Variants in VAV3 observed in about 807,000 individuals in gnomAD.
VAV3 encodes guanine nucleotide exchange factor VAV3.
VAV3 carries 94 observed loss-of-function variants against 131.2 expected under a neutral mutation model. The ratio of observed to expected loss-of-function variants is 0.72; its 90% CI spans 0.61 to 0.85. VAV3 has a LOEUF of 0.85. VAV3 is among the 40% of genes least tolerant of loss of function. The pLI is 0.00. For missense variants in VAV3, 939 were observed against 1,002.7 expected, an observed-to-expected ratio of 0.94 and a Z score of 0.86; for synonymous variants, 349 against 342.0, an observed-to-expected ratio of 1.02 and a Z score of -0.22.
intron 19 of VAV3, among the ~76,000 whole-genome samples, chr1:107,662,350 C>T (rs995313603): frequency 2.9e-4 from 44 of 152,062 alleles, no homozygotes; most frequent in Admixed American, 2.0e-4. Flanking sequence ...CAAAAGAATA[C>T]TGTCTCAATT....
intron 19 of VAV3, among the ~76,000 whole-genome samples, chr1:107,660,088 A>ATATCTG (rs1557740913): frequency 2.0e-5 from 3 of 151,928 alleles, no homozygotes; most frequent in Non-Finnish European, 4.4e-5. Flanking sequence ...CGGATCATCT[A>ATATCTG]ATTCACCTTC....
chr1:107,756,312 G>C (rs558527557), intron 11 of VAV3, among the ~76,000 whole-genome samples: 2 of 152,056 alleles, frequency 1.3e-5, no homozygotes, highest in South Asian at 2.1e-4. Context: ...AAATTCATCT[G>C]CAACAGTAGG....
chr1:107,580,885 G>A (rs1221807960), intron 25 of VAV3, among the ~76,000 whole-genome samples: 1 of 152,110 alleles, frequency 6.6e-6, no homozygotes, highest in Non-Finnish European at 1.5e-5. Flanking sequence ...ATATATGGAT[G>A]CATGGTTTCA....
intron 1 of VAV3, among the ~76,000 whole-genome samples, chr1:107,885,110 C>G (rs1419547177): frequency 6.6e-6 from 1 of 152,062 alleles, no homozygotes; most frequent in East Asian, 1.9e-4. Flanking sequence ...GAACGGCACA[C>G]CAGCCAAGAA....
chr1:107,798,432 A>AC (rs1229448761), intron 2 of VAV3, among the ~76,000 whole-genome samples: 2 of 152,098 alleles, frequency 1.3e-5, no homozygotes, highest in Non-Finnish European at 2.9e-5. Flanking sequence ...AAGAACATGC[A>AC]CCGAGGCCAG....
In VAV3 at chr1:107,708,143, A is replaced by G. The variant is rs72977679; in HGVS notation, c.1503-3082T>C. On this transcript the variant is annotated intron_variant, in intron 15 of 26. Transcript: ENST00000370056. Reference sequence around the variant, plus strand: ...AAAGACATGAGATAGGTTGGCAGGGACCAAGGAAAGAAGTGAGATTTTATA... The same window carrying G: ...AAAGACATGAGATAGGTTGGCAGGGGCCAAGGAAAGAAGTGAGATTTTATA... Among the ~76,000 whole-genome samples, 845 of 152,278 alleles carry G rather than the reference A, an allele frequency of 5.5e-3. 10 individuals are homozygous for G. The highest frequency in any genetic ancestry group is 0.018 in the African/African-American group (745 of 41,560).
In VAV3 at chr1:107,573,727, T is replaced by C. The variant is rs188360924; in HGVS notation, c.2502+320A>G. On this transcript the variant is annotated intron_variant, in intron 26 of 26. Transcript: ENST00000370056. ...AATTTACATCAGCAGTTCTTATAGA[T>C]ATTTTGCAATACACATAAAGTTTAG... Among the ~76,000 whole-genome samples the C allele has an allele frequency of 1.6e-4, 25 of 152,344 alleles. No homozygotes were observed. In the East Asian group the frequency reaches 4.8e-3, roughly 29 times the overall value.
At chr1:107,660,832 C>T (rs6694291) in intron 19 of VAV3, among the ~76,000 whole-genome samples, 87,724 of 151,848 alleles carry the variant, frequency 0.58, 26,273 homozygotes, top group African/African-American at 0.75. Context: ...GCAAATATTA[C>T]AAAGCATTAT....
intron 15 of VAV3, among the ~76,000 whole-genome samples, chr1:107,709,056 A>C (rs1660623553): frequency 6.6e-6 from 1 of 152,154 alleles, no homozygotes; most frequent in African/African-American, 2.4e-5. Context: ...CAGTTACCAG[A>C]GGAGATGGAA....
chr1:107,746,336 A>C (rs1042042062), intron 15 of VAV3, among the ~76,000 whole-genome samples: 2 of 152,184 alleles, frequency 1.3e-5, no homozygotes, highest in Non-Finnish European at 2.9e-5. Context: ...AATTCTCCAA[A>C]AAGATACTTC....
At chr1:107,754,941 G>A (rs1373949932) in intron 12 of VAV3, among the ~76,000 whole-genome samples, 1 of 151,968 alleles carries the variant, frequency 6.6e-6, no homozygotes, top group Non-Finnish European at 1.5e-5. Context: ...CTCAGTTATA[G>A]CAGCCAGTTC....
intron 1 of VAV3, among the ~76,000 whole-genome samples, chr1:107,910,703 T>C (rs1241453194): frequency 5.3e-5 from 8 of 151,778 alleles, no homozygotes; most frequent in Admixed American, 2.0e-4. Flanking sequence ...CTTGAGGCCA[T>C]GCGTGGTGGC....
At chr1:107,646,760 AT>A in intron 19 of VAV3, among the ~76,000 whole-genome samples, 1 of 152,176 alleles carries the variant, frequency 6.6e-6, no homozygotes, top group East Asian at 1.9e-4. Context: ...TAACAAACAA[AT>A]TAGCAATATT....
At chr1:107,709,658 C>G (rs925084147) in intron 15 of VAV3, among the ~76,000 whole-genome samples, 5 of 152,150 alleles carry the variant, frequency 3.3e-5, no homozygotes, top group African/African-American at 1.2e-4. Flanking sequence ...ATAACTGAAT[C>G]GTGGGGATGG....
intron 1 of VAV3, among the ~76,000 whole-genome samples, chr1:107,947,802 C>T (rs1674340222): frequency 1.3e-5 from 2 of 152,100 alleles, no homozygotes; most frequent in Admixed American, 1.3e-4. Flanking sequence ...AACATTAAGG[C>T]CAATGTGAAG....
intron 1 of VAV3, among the ~76,000 whole-genome samples, chr1:107,927,025 G>T (rs1458794554): frequency 1.3e-5 from 2 of 152,190 alleles, no homozygotes; most frequent in African/African-American, 4.8e-5. Flanking sequence ...ACAGCTCACA[G>T]CTCCAAAAGA....
At chr1:107,597,055 T>C (rs1251185194) in intron 24 of VAV3, among the ~76,000 whole-genome samples, 2 of 152,196 alleles carry the variant, frequency 1.3e-5, no homozygotes, top group Non-Finnish European at 2.9e-5. Flanking sequence ...TGAATCTCTC[T>C]ACTGTAAACT....
At chr1:107,935,561 C>T (rs912414965) in intron 1 of VAV3, among the ~76,000 whole-genome samples, 1 of 152,182 alleles carries the variant, frequency 6.6e-6, no homozygotes, top group Non-Finnish European at 1.5e-5. Flanking sequence ...GTTTCCCCAT[C>T]AGAATGAGGA....
intron 2 of VAV3, among the ~76,000 whole-genome samples, chr1:107,832,667 G>A (rs17020149): frequency 0.093 from 14,127 of 152,100 alleles, 833 homozygotes; most frequent in East Asian, 0.25. Flanking sequence ...TTAACACCTC[G>A]GTAGAAATGG....
Sources: allele counts gnomAD v4.1 joint callset (sites outside exome capture counted in the v4.1 genomes callset), GRCh38; gene constraint gnomAD v4.1.1; transcripts MANE v1.5; gene names NCBI Gene and HGNC (gene_info 2026-07-23, HGNC 2026-07-21).